The following CNGA3 variants were observed in gnomAD, a reference collection of about 807,000 sequenced individuals.
CNGA3 encodes cyclic nucleotide gated channel subunit alpha 3.
In CNGA3, 42 loss-of-function variants were observed where a neutral mutation model predicts 46.6. The ratio of observed to expected loss-of-function variants is 0.90; its 90% CI spans 0.70 to 1.17. CNGA3 has a LOEUF of 1.17. Among genes scored for constraint, CNGA3 ranks in the 50% most tolerant of loss-of-function variants. The pLI is 0.00. For missense variants in CNGA3, 893 were observed against 890.7 expected (o/e 1.00, Z -0.03); for synonymous variants, 394 against 369.4 (o/e 1.07, Z -0.76).
chr2:98,396,549 T>C lies in CNGA3; in HGVS notation c.1379T>C (p.Leu460Pro). The C allele has an allele frequency of 6.2e-7, 1 of 1,613,962 alleles. No homozygotes were observed. Among genetic ancestry groups the C allele is most frequent in the Non-Finnish European group, 8.5e-7 (1 of 1,179,974 alleles). ...GATGAGAAGGAGGTGCTCAAGAGCC[T>C]CCCAGACAAGCTGAAGGCTGAGATC... ...TVDEKEVLKS[L>P]PDKLKAEIAI... is the part of the protein sequence containing the mutation. Residue 460 changes from leucine to proline, a missense_variant, in exon 8 of 8, where the codon CTC (leucine) becomes CCC (proline). Around this residue, in one of 3 missense-constraint regions of CNGA3, gnomAD observed 548 missense variants for 570.8 expected, o/e 0.96. Coordinates refer to ENST00000272602, the MANE Select transcript of CNGA3 (RefSeq NM_001298.3).
intron 5 of CNGA3, among the ~76,000 whole-genome samples, chr2:98,386,393 G>T (rs1220006086): frequency 6.6e-6 from 1 of 152,184 alleles, no homozygotes; most frequent in East Asian, 1.9e-4. Flanking sequence ...GAATCATGGG[G>T]GTGGGTCTTT....
chr2:98,371,882 C>T (rs1047705044), intron 2 of CNGA3, among the ~76,000 whole-genome samples: 8 of 152,240 alleles, frequency 5.3e-5, no homozygotes, highest in African/African-American at 1.7e-4. Context: ...CACAGCATAA[C>T]ATCACGATCC....
At chr2:98,377,826 C>A (rs1423400603) in intron 3 of CNGA3, 26 bp downstream of exon 3, 1 of 1,588,502 alleles carries the variant, frequency 6.3e-7, no homozygotes, top group South Asian at 1.1e-5. Context: ...CAGTCCCTAC[C>A]TTGGCCTGGG....
At chr2:98,372,942 T>A (rs1418561113) in intron 2 of CNGA3, among the ~76,000 whole-genome samples, 1 of 152,186 alleles carries the variant, frequency 6.6e-6, no homozygotes, top group East Asian at 1.9e-4. Context: ...ATTGACAGAT[T>A]AATACAGTAT....
chr2:98,346,644 A>T (rs1691630894), intron 1 of CNGA3, 110 bp downstream of exon 1: 1 of 392,626 alleles, frequency 2.5e-6, no homozygotes, highest in South Asian at 1.4e-4. Flanking sequence ...CACGCAGGGG[A>T]GGGATGCTGC....
In CNGA3 at chr2:98,395,960, T is replaced by A. The variant is rs73964088; in HGVS notation, c.790T>A (p.Leu264Ile). The change falls in exon 8 of 8, where the codon TTA becomes ATA. Residue 264 changes from leucine (L) to isoleucine (I), a missense_variant. Physicochemically the swap from Leu to Ile is conservative, Grantham distance 5. Around this residue, in one of 3 missense-constraint regions of CNGA3, gnomAD observed 548 missense variants for 570.8 expected, o/e 0.96. Coordinates refer to ENST00000272602, the MANE Select transcript of CNGA3 (RefSeq NM_001298.3). The part of the protein sequence containing the change: ...LSLVPTDLAY[L>I]KVGTNYPEVR... ...CCTGGTCCCCACCGACCTGGCTTAC[T>A]TAAAGGTGGGCACAAACTACCCAGA... 3.8e-4 allele frequency: 613 copies of A among 1,614,178 alleles called. 5 individuals are homozygous for A. In the African/African-American group the frequency reaches 7.3e-3, roughly 19 times the overall value.
intron 7 of CNGA3, 57 bp from the exon 8 acceptor site, chr2:98,395,787 T>C: frequency 6.9e-7 from 1 of 1,442,688 alleles, no homozygotes; most frequent in Non-Finnish European, 9.8e-7. Context: ...TTCTTTGTAC[T>C]ATGGTCAAAA....
At chr2:98,357,662 G>A (rs937728) in intron 1 of CNGA3, among the ~76,000 whole-genome samples, 11,098 of 152,206 alleles carry the variant, frequency 0.073, 734 homozygotes, top group Admixed American at 0.23. Context: ...GCTGGTGGCA[G>A]GGGGACATGC....
At chr2:98,367,013 C>T (rs963545743) in intron 1 of CNGA3, among the ~76,000 whole-genome samples, 3 of 152,128 alleles carry the variant, frequency 2.0e-5, no homozygotes, top group Non-Finnish European at 2.9e-5. Context: ...TGCCCTGTGC[C>T]GCTCCCAGGT....
chr2:98,378,276 T>G, intron 3 of CNGA3: 1 of 1,488,432 alleles, frequency 6.7e-7, no homozygotes, highest in Non-Finnish European at 9.0e-7. Context: ...CTCCAAGCTC[T>G]GCTTCCCCCT....
intron 2 of CNGA3, among the ~76,000 whole-genome samples, chr2:98,374,878 G>C (rs1021081742): frequency 6.6e-6 from 1 of 152,258 alleles, no homozygotes; most frequent in African/African-American, 2.4e-5. Flanking sequence ...GGATCTCCCT[G>C]TTCTTCACGG....
At chr2:98,351,887 A>AT (rs1691777576) in intron 1 of CNGA3, among the ~76,000 whole-genome samples, 1 of 152,206 alleles carries the variant, frequency 6.6e-6, no homozygotes, top group African/African-American at 2.4e-5. Flanking sequence ...AATGTCACCC[A>AT]TTTAAAATGC....
intron 6 of CNGA3, among the ~76,000 whole-genome samples, 168 bp downstream of exon 6, chr2:98,389,942 G>A (rs1692745018): frequency 6.6e-6 from 1 of 152,140 alleles, no homozygotes; most frequent in African/African-American, 2.4e-5. Context: ...GGTTCCCCAA[G>A]AGGACCATCA....
chr2:98,394,221 A>G (rs1692858360), intron 7 of CNGA3, among the ~76,000 whole-genome samples: 1 of 152,170 alleles, frequency 6.6e-6, no homozygotes, highest in South Asian at 2.1e-4. Flanking sequence ...AAAACAAAAA[A>G]GAATGCAGGT....
At chr2:98,353,638 A>G (rs1691815457) in intron 1 of CNGA3, among the ~76,000 whole-genome samples, 1 of 152,248 alleles carries the variant, frequency 6.6e-6, no homozygotes, top group Non-Finnish European at 1.5e-5. Flanking sequence ...GGTTTTTGCC[A>G]TTACCAATCT....
At chr2:98,393,310 G>A (rs1558818749) in intron 7 of CNGA3, among the ~76,000 whole-genome samples, 1 of 152,188 alleles carries the variant, frequency 6.6e-6, no homozygotes, top group Non-Finnish European at 1.5e-5. Context: ...CGACCTCCGT[G>A]TGGCTCCACG....
chr2:98,380,076 C>T, intron 3 of CNGA3, 99 bp from the exon 4 acceptor site: 1 of 1,384,298 alleles, frequency 7.2e-7, no homozygotes, highest in Non-Finnish European at 1.0e-6. Flanking sequence ...TTGAGACAGA[C>T]AGAGAGGGAG....
intron 1 of CNGA3, among the ~76,000 whole-genome samples, chr2:98,362,337 G>A (rs758542884): frequency 4.6e-5 from 7 of 151,510 alleles, no homozygotes; most frequent in Non-Finnish European, 7.4e-5. Flanking sequence ...CTGCCACCAC[G>A]CCCAGCTAAT....
rs868852457 is a variant in CNGA3, at chr2:98,396,376, G to T, written c.1206G>T (p.Met402Ile). ...CCATTGTGGGCAATGTGGGCTCCAT[G>T]ATCTCGAATATGAATGCCTCACGGG... ...FATIVGNVGS[M>I]ISNMNASRAE... The change falls in exon 8 of 8, where the codon ATG becomes ATT. Residue 402 changes from methionine (M) to isoleucine (I), a missense_variant. Physicochemically the swap from Met to Ile is conservative, Grantham distance 10. This residue lies in a region of CNGA3 where 548 missense variants were observed against 570.8 expected (regional missense o/e 0.96). Transcript: ENST00000272602. 1.1e-5 allele frequency: 17 copies of T among 1,613,754 alleles called. No individual in the cohort carries two copies. The highest frequency in any genetic ancestry group is 1.4e-5 in the Non-Finnish European group (17 of 1,179,834).
Sources: allele counts gnomAD v4.1 joint callset (sites outside exome capture counted in the v4.1 genomes callset), GRCh38; gene constraint gnomAD v4.1.1; regional missense constraint gnomAD v4.1.1; transcripts MANE v1.5; gene names NCBI Gene and HGNC (gene_info 2026-07-23, HGNC 2026-07-21).